The following LRP1B variants were observed in gnomAD, a reference collection of about 807,000 sequenced individuals.
LRP1B encodes LDL receptor related protein 1B.
In LRP1B, 217 loss-of-function variants were observed where a neutral mutation model predicts 556.6. The ratio of observed to expected loss-of-function variants is 0.39; its 90% CI spans 0.35 to 0.44. The LOEUF (loss-of-function observed/expected upper bound fraction) is 0.44. LRP1B is among the 20% of genes least tolerant of loss of function. The pLI is 1.00. For synonymous variants in LRP1B, 2,047 were observed against 1,865.8 expected (o/e 1.10, Z -2.50); for missense variants, 5,053 against 5,620.8 (o/e 0.90, Z 3.23).
intron 3 of LRP1B, among the ~76,000 whole-genome samples, chr2:141,345,469 TCTC>T (rs1688216227): frequency 6.6e-6 from 1 of 151,816 alleles, no homozygotes; most frequent in Admixed American, 6.6e-5. Context: ...AACCTTTTCT[TCTC>T]CTTCTTCTTC....
intron 60 of LRP1B, among the ~76,000 whole-genome samples, chr2:140,458,439 T>C (rs193095449): frequency 6.6e-6 from 1 of 152,102 alleles, no homozygotes; most frequent in Non-Finnish European, 1.5e-5. Context: ...ATCTGTTCAG[T>C]GGTTTGGGTT....
chr2:141,246,160 T>A (rs2105324946), intron 5 of LRP1B, among the ~76,000 whole-genome samples: 1 of 152,268 alleles, frequency 6.6e-6, no homozygotes, highest in Non-Finnish European at 1.5e-5. Context: ...GAAAATAACT[T>A]GGTGATGTAG....
chr2:140,280,592 G>C (rs1682874557), intron 84 of LRP1B, among the ~76,000 whole-genome samples: 1 of 151,764 alleles, frequency 6.6e-6, no homozygotes, highest in Admixed American at 6.6e-5. Flanking sequence ...AGAAATGCAT[G>C]ATGGGACACT....
At chr2:140,509,062 GCACACACACACACACACACAAA>G (rs1689538467) in intron 52 of LRP1B, among the ~76,000 whole-genome samples, 3 of 103,546 alleles carry the variant, frequency 2.9e-5, no homozygotes, top group South Asian at 3.8e-4. Context: ...ACATACCCCT[GCACACACACACACACACACAAA>G]CACACACACA....
chr2:141,831,500 C>T (rs2105746118), intron 1 of LRP1B, among the ~76,000 whole-genome samples: 1 of 151,678 alleles, frequency 6.6e-6, no homozygotes, highest in Admixed American at 6.6e-5. Flanking sequence ...TTTCAATTGT[C>T]TACCTTTTTT....
chr2:141,211,194 G>A (rs879920975), intron 6 of LRP1B, among the ~76,000 whole-genome samples: 1 of 151,644 alleles, frequency 6.6e-6, no homozygotes, highest in Non-Finnish European at 1.5e-5. Context: ...CACCACGTTG[G>A]CCAGGCTGGT....
chr2:140,451,134 G>A (rs1269956960), intron 62 of LRP1B, among the ~76,000 whole-genome samples: 1 of 152,088 alleles, frequency 6.6e-6, no homozygotes, highest in East Asian at 1.9e-4. Context: ...TAAAGATGAG[G>A]TTTCACCATG....
chr2:141,899,858 C>A (rs1574475790), intron 1 of LRP1B, among the ~76,000 whole-genome samples: 1 of 152,026 alleles, frequency 6.6e-6, no homozygotes, highest in Admixed American at 6.6e-5. Flanking sequence ...TGGCCACCCC[C>A]TGAGTTTTCA....
intron 86 of LRP1B, among the ~76,000 whole-genome samples, chr2:140,256,313 G>A (rs551853749): frequency 1.9e-4 from 29 of 151,880 alleles, no homozygotes; most frequent in Admixed American, 1.7e-3. Flanking sequence ...AATACTTCCT[G>A]TGTGCATCAC....
At chr2:141,058,270 A>T (rs984825672) in intron 9 of LRP1B, among the ~76,000 whole-genome samples, 1 of 151,834 alleles carries the variant, frequency 6.6e-6, no homozygotes, top group Non-Finnish European at 1.5e-5. Flanking sequence ...GCTAGTTTTA[A>T]TTTGAAATAC....
chr2:140,969,884 A>G (rs1351222963), intron 18 of LRP1B, among the ~76,000 whole-genome samples: 1 of 152,186 alleles, frequency 6.6e-6, no homozygotes, highest in East Asian at 1.9e-4. Context: ...TTCTGCCGAG[A>G]GATCAGCTGT....
At chr2:140,776,780 T>C (rs566340599) in intron 32 of LRP1B, among the ~76,000 whole-genome samples, 50 of 152,248 alleles carry the variant, frequency 3.3e-4, no homozygotes, top group African/African-American at 1.2e-3. Context: ...TTTCTTCTAG[T>C]GACCCTTTCT....
At chr2:141,622,870 G>A (rs183412767) in intron 2 of LRP1B, among the ~76,000 whole-genome samples, 3 of 152,260 alleles carry the variant, frequency 2.0e-5, no homozygotes, top group Admixed American at 6.5e-5. Flanking sequence ...GCAGAGCTAT[G>A]AAGTGTTCTG....
chr2:140,254,409 G>A (rs1360966651), intron 86 of LRP1B, among the ~76,000 whole-genome samples: 2 of 152,138 alleles, frequency 1.3e-5, no homozygotes, highest in African/African-American at 4.8e-5. Context: ...ACTGATGTTA[G>A]CTACTTGAAT....
At chr2:140,882,459 A>T (rs942953748) in intron 25 of LRP1B, among the ~76,000 whole-genome samples, 20 of 152,216 alleles carry the variant, frequency 1.3e-4, no homozygotes, top group African/African-American at 4.3e-4. Flanking sequence ...CTACTCAGCT[A>T]GTTGTTACCA....
chr2:140,373,089 C>A lies in LRP1B; in HGVS notation c.10687G>T (p.Gly3563Cys), dbSNP rs1683063421. 6.2e-7 allele frequency: 1 copy of A among 1,613,090 alleles called. No individual in the cohort carries two copies. The highest frequency in any genetic ancestry group is 1.3e-5 in the African/African-American group (1 of 74,812). ...TTCCATTTTGCTGGTATACACTGACCATTGGAACACCGGAACTGATCTTTG... is the reference window on the plus strand; with the variant it reads ...TTCCATTTTGCTGGTATACACTGACAATTGGAACACCGGAACTGATCTTTG... ...CSKDQFRCSNGQCIPAKWKCD... is the reference protein window; with the variant it reads ...CSKDQFRCSNCQCIPAKWKCD... Residue 3563 changes from glycine to cysteine, a missense_variant, in exon 69 of 91, where the codon GGT becomes TGT. Physicochemically the swap from Gly to Cys is radical, Grantham distance 159 (BLOSUM62 -3). Coordinates refer to ENST00000389484, the MANE Select transcript of LRP1B (RefSeq NM_018557.3).
At chr2:141,246,633 A>T (rs1684077212) in intron 5 of LRP1B, among the ~76,000 whole-genome samples, 1 of 152,196 alleles carries the variant, frequency 6.6e-6, no homozygotes, top group South Asian at 2.1e-4. Flanking sequence ...CAAATCAATT[A>T]ATCCATATCT....
chr2:140,956,078 G>C (rs560082378), intron 18 of LRP1B, among the ~76,000 whole-genome samples: 1 of 151,750 alleles, frequency 6.6e-6, no homozygotes, highest in South Asian at 2.1e-4. Context: ...ATTTAGGAAA[G>C]TATTATCTTC....
chr2:141,012,565 C>T (rs1004887081), intron 14 of LRP1B, among the ~76,000 whole-genome samples: 1 of 151,844 alleles, frequency 6.6e-6, no homozygotes, highest in African/African-American at 2.4e-5. Flanking sequence ...AAGTTTTATT[C>T]TTCTAAAAGA....
Sources: gnomAD v4.1 joint callset for allele counts (sites outside exome capture counted in the v4.1 genomes callset) on GRCh38, gnomAD v4.1.1 for gene constraint, MANE v1.5 for transcripts, NCBI Gene and HGNC (gene_info 2026-07-23, HGNC 2026-07-21) for gene names.